Variants in KDM5B observed in about 807,000 individuals in gnomAD.
KDM5B encodes the protein lysine-specific demethylase 5B.
A neutral mutation model predicts 193.4 loss-of-function variants in KDM5B; 144 were observed. The observed-to-expected ratio is 0.74, with a 90% CI of 0.65 to 0.86. The LOEUF is 0.86. Among genes scored for constraint, KDM5B ranks in the 40% least tolerant of loss-of-function variants. The pLI is 0.00. For synonymous variants in KDM5B, 668 were observed against 682.6 expected (o/e 0.98, Z 0.33); for missense variants, 1,833 against 1,886.9 (o/e 0.97, Z 0.53).
intron 2 of KDM5B, among the ~76,000 whole-genome samples, chr1:202,776,533 G>A (rs951642296): frequency 4.6e-5 from 7 of 152,042 alleles, no homozygotes; most frequent in African/African-American, 1.7e-4. Flanking sequence ...ACAATTCTGT[G>A]TGTGTGTATC....
rs758173292 is a variant in KDM5B at position 202,729,935 on chromosome 1, C to T, written c.4269G>A (p.Arg1423=). The part of the protein sequence containing the change: ...RLEREGLSSE[R]WERVKKMRTP... ...TCCGCATTTTCTTAACTCGTTCCCA[C>T]CGCTCACTGGAGAGGCCCTCTCTTT... Residue 1423 remains arginine, a synonymous_variant, in exon 26 of 27, where the codon CGG becomes CGA. Transcript: ENST00000367265. 6.2e-7 allele frequency: 1 copy of T among 1,614,144 alleles called. No homozygotes were observed. The highest frequency in any genetic ancestry group is 8.5e-7 in the Non-Finnish European group (1 of 1,180,004).
At chr1:202,747,193 G>C (rs1224028210) in intron 14 of KDM5B, among the ~76,000 whole-genome samples, 1 of 152,072 alleles carries the variant, frequency 6.6e-6, no homozygotes, top group Non-Finnish European at 1.5e-5. Context: ...AGATGAGGAA[G>C]GTAAGGAAAA....
At position 202,768,749 on chromosome 1, in the gene KDM5B, C is replaced by T. The variant is rs373069400; in HGVS notation, c.577-1689G>A. Among the ~76,000 whole-genome samples, 10 of 140,908 alleles carry T rather than the reference C, an allele frequency of 7.1e-5. 2 individuals carry two copies. The highest frequency in any genetic ancestry group is 2.3e-4 in the African/African-American group (9 of 38,982). 92.4% of individuals were successfully genotyped at this position (140,908 alleles called of 152,430 possible). A position where few individuals can be genotyped will look rare whatever the true frequency, so the allele number is the denominator to read the frequency against. On this transcript the variant is annotated intron_variant, in intron 4 of 26. Transcript: ENST00000367265. ...TTTTTTTTTTTGAGATGGAGTTTCG[C>T]TCTTGTTGCCCAGGCTGGAGTGCAA... is the stretch of plus-strand genomic sequence containing the variant.
intron 26 of KDM5B, 179 bp downstream of exon 26, chr1:202,729,528 G>T: frequency 1.6e-6 from 1 of 616,942 alleles, no homozygotes. Context: ...TCAAGAAAAG[G>T]GAGGAGACCC....
chr1:202,768,920 T>C, intron 4 of KDM5B, among the ~76,000 whole-genome samples: 1 of 151,944 alleles, frequency 6.6e-6, no homozygotes, highest in East Asian at 1.9e-4. Flanking sequence ...TTTCTCCATG[T>C]TGAGGCTGGT....
At chr1:202,792,898 G>A (rs1423905512) in intron 1 of KDM5B, among the ~76,000 whole-genome samples, 8 of 151,892 alleles carry the variant, frequency 5.3e-5, no homozygotes, top group Non-Finnish European at 1.2e-4. Context: ...TCCGGAGGCT[G>A]AGGCAGGAGA....
intron 11 of KDM5B, among the ~76,000 whole-genome samples, chr1:202,753,371 T>C (rs1322761168): frequency 1.3e-5 from 2 of 152,106 alleles, no homozygotes; most frequent in Non-Finnish European, 1.5e-5. Flanking sequence ...GGCAGGCACC[T>C]GTAATCCCAG....
intron 1 of KDM5B, among the ~76,000 whole-genome samples, chr1:202,803,863 A>T (rs1572789142): frequency 6.8e-6 from 1 of 146,582 alleles, no homozygotes; most frequent in East Asian, 2.0e-4. Flanking sequence ...GAACTGTAGG[A>T]CTTAATCCAA....
intron 1 of KDM5B, among the ~76,000 whole-genome samples, chr1:202,785,208 C>T (rs1657357668): frequency 6.6e-6 from 1 of 152,154 alleles, no homozygotes; most frequent in Non-Finnish European, 1.5e-5. Flanking sequence ...ACCTCTAAAC[C>T]TTACTTACCT....
At chr1:202,803,589 C>T (rs1572788756) in intron 1 of KDM5B, among the ~76,000 whole-genome samples, 2 of 151,454 alleles carry the variant, frequency 1.3e-5, no homozygotes. Flanking sequence ...TTTGGGAGGC[C>T]GAGGTGGGTG....
chr1:202,786,921 C>A (rs1442290997), intron 1 of KDM5B, among the ~76,000 whole-genome samples: 17 of 152,068 alleles, frequency 1.1e-4, no homozygotes, highest in Non-Finnish European at 2.9e-5. Context: ...CCAGCCTGAC[C>A]AACATGGAGA....
chr1:202,787,407 T>A (rs1056505156), intron 1 of KDM5B, among the ~76,000 whole-genome samples: 1 of 152,218 alleles, frequency 6.6e-6, no homozygotes, highest in African/African-American at 2.4e-5. Context: ...TTAATTTACA[T>A]GGATTGTATC....
intron 1 of KDM5B, among the ~76,000 whole-genome samples, chr1:202,783,087 A>C (rs11578616): frequency 0.17 from 25,762 of 152,188 alleles, 2,747 homozygotes; most frequent in Middle Eastern, 0.33. Context: ...CTCTAATAAA[A>C]ATACAAAAAT....
rs2102197684 is a variant in KDM5B, at chr1:202,725,038, C to G, written c.*3998G>C. 1 of 152,310 alleles carries G rather than the reference C, an allele frequency of 6.6e-6. No homozygotes were observed. Among genetic ancestry groups the G allele is most frequent in the African/African-American group, 2.4e-5 (1 of 41,554 alleles). The allele number at this position is 152,310 out of a possible 1,614,324, so 9.4% of individuals were successfully genotyped here. Reference sequence around the variant, plus strand: ...CACTCACCTGGAACAGGTCAAATGACCTCACCATTCCATTCCTCTACTGCA... The same window carrying G: ...CACTCACCTGGAACAGGTCAAATGAGCTCACCATTCCATTCCTCTACTGCA... On this transcript the variant is annotated 3_prime_UTR_variant, in exon 27 of 27. Transcript: ENST00000367265.
At chr1:202,730,117 T>C in intron 25 of KDM5B, 90 bp from the exon 26 acceptor site, 1 of 1,114,478 alleles carries the variant, frequency 9.0e-7, no homozygotes, top group Non-Finnish European at 1.3e-6. Context: ...AAATTAGAAA[T>C]CAGATGATCC....
intron 21 of KDM5B, 66 bp from the exon 22 acceptor site, chr1:202,735,653 C>A: frequency 6.9e-7 from 1 of 1,458,222 alleles, no homozygotes; most frequent in South Asian, 1.2e-5. Context: ...GTAGGAAGTC[C>A]CAAAATAAAA....
intron 8 of KDM5B, among the ~76,000 whole-genome samples, chr1:202,759,589 A>G (rs1656159804): frequency 6.6e-6 from 1 of 151,926 alleles, no homozygotes; most frequent in Non-Finnish European, 1.5e-5. Context: ...AGATAATCGT[A>G]GATCCTTTTT....
At position 202,729,898 on chromosome 1, in the gene KDM5B, T is replaced by G; in HGVS notation, c.4306A>C (p.Lys1436Gln). 6.2e-7 allele frequency: 1 copy of G among 1,614,170 alleles called. No individual in the cohort carries two copies. Among genetic ancestry groups the G allele is most frequent in the Non-Finnish European group, 8.5e-7 (1 of 1,180,018 alleles). Residue 1436 changes from lysine to glutamine, a missense_variant, in exon 26 of 27, where the codon AAG (lysine) becomes CAG (glutamine). By Grantham distance (53) the Lys-to-Gln change is moderately conservative (BLOSUM62 1). Coordinates refer to ENST00000367265, the MANE Select transcript of KDM5B (RefSeq NM_006618.5). ...RVKKMRTPKK[K>Q]KIKLSHPKDM... The stretch of plus-strand genomic sequence containing the variant: ...TTGGGGTGGCTCAGTTTGATTTTCT[T>G]CTTTTTGGGGGTCCGCATTTTCTTA...
intron 1 of KDM5B, among the ~76,000 whole-genome samples, chr1:202,779,817 A>AAATC (rs1272077141): frequency 1.4e-5 from 2 of 143,306 alleles, no homozygotes; most frequent in Non-Finnish European, 3.0e-5. Flanking sequence ...ATAAATAAAT[A>AAATC]AATAAATAAA....
Sources: gnomAD v4.1 joint callset for allele counts (sites outside exome capture counted in the v4.1 genomes callset) on GRCh38, gnomAD v4.1.1 for gene constraint, MANE v1.5 for transcripts, NCBI Gene and HGNC (gene_info 2026-07-23, HGNC 2026-07-21) for gene names.